Variants in SGCZ observed in about 807,000 individuals in gnomAD.
SGCZ encodes the protein sarcoglycan zeta.
Under a neutral mutation model 41.3 loss-of-function variants are expected in SGCZ, and 40 were observed. The observed-to-expected ratio is 0.97, with a 90% confidence interval of 0.75 to 1.26. The LOEUF is 1.26. SGCZ is among the 50% of genes most tolerant of loss of function. The pLI is 0.00. For missense variants in SGCZ, 552 were observed against 369.8 expected, an observed-to-expected ratio of 1.49 and a Z score of -4.04; for synonymous variants, 206 against 137.5, an observed-to-expected ratio of 1.50 and a Z score of -3.49.
At chr8:14,121,811 C>CTTAA (rs1484643456) in intron 5 of SGCZ, among the ~76,000 whole-genome samples, 1 of 152,142 alleles carries the variant, frequency 6.6e-6, no homozygotes, top group African/African-American at 2.4e-5. Flanking sequence ...TTTTTGAAAT[C>CTTAA]TTAATTTTCT....
At chr8:14,578,183 G>T (rs1376733483) in intron 1 of SGCZ, among the ~76,000 whole-genome samples, 1 of 152,152 alleles carries the variant, frequency 6.6e-6, no homozygotes, top group African/African-American at 2.4e-5. Context: ...AAAGAGAAAT[G>T]GCAAAGCACT....
At chr8:14,619,037 G>A (rs933003312) in intron 1 of SGCZ, among the ~76,000 whole-genome samples, 20 of 152,124 alleles carry the variant, frequency 1.3e-4, no homozygotes, top group Non-Finnish European at 2.5e-4. Context: ...CAATATGTTG[G>A]TATACTCTAT....
chr8:14,840,442 A>T (rs750262475), intron 1 of SGCZ, among the ~76,000 whole-genome samples: 2 of 152,114 alleles, frequency 1.3e-5, no homozygotes, highest in Non-Finnish European at 2.9e-5. Flanking sequence ...TGTTGCGGAA[A>T]ACAATATATC....
intron 1 of SGCZ, among the ~76,000 whole-genome samples, chr8:14,565,818 A>C (rs1475245813): frequency 2.0e-4 from 31 of 152,142 alleles, no homozygotes. Flanking sequence ...CTTCCATAAC[A>C]CTGATAATAA....
intron 1 of SGCZ, among the ~76,000 whole-genome samples, chr8:14,866,881 G>C (rs527771426): frequency 1.6e-4 from 25 of 152,234 alleles, no homozygotes; most frequent in African/African-American, 6.0e-4. Flanking sequence ...GCTTGCAGTG[G>C]GATAAAGCAG....
chr8:14,192,899 CATT>C (rs1805148857), intron 4 of SGCZ, among the ~76,000 whole-genome samples: 2 of 151,796 alleles, frequency 1.3e-5, no homozygotes, highest in South Asian at 4.1e-4. Flanking sequence ...ATACTTTATA[CATT>C]ATATGTTTAT....
chr8:14,663,985 C>T (rs1314928622), intron 1 of SGCZ, among the ~76,000 whole-genome samples: 1 of 152,140 alleles, frequency 6.6e-6, no homozygotes, highest in Non-Finnish European at 1.5e-5. Flanking sequence ...CCCTATTCTA[C>T]TGTGTCAGAC....
intron 1 of SGCZ, among the ~76,000 whole-genome samples, chr8:15,198,995 T>C (rs558545987): frequency 2.6e-5 from 4 of 152,358 alleles, no homozygotes; most frequent in African/African-American, 9.6e-5. Flanking sequence ...ACTGAAATTT[T>C]ATCTTGTAAA....
chr8:14,746,045 G>A (rs1444766848), intron 1 of SGCZ, among the ~76,000 whole-genome samples: 1 of 151,746 alleles, frequency 6.6e-6, no homozygotes, highest in South Asian at 2.1e-4. Context: ...TACAGTAAAA[G>A]ATTATATATT....
intron 1 of SGCZ, among the ~76,000 whole-genome samples, chr8:14,984,012 T>C (rs546359479): frequency 2.2e-4 from 34 of 152,194 alleles, no homozygotes; most frequent in Non-Finnish European, 4.6e-4. Flanking sequence ...AAAGATGTAC[T>C]AAAGTGGAGT....
intron 1 of SGCZ, among the ~76,000 whole-genome samples, chr8:15,231,710 C>T (rs534905195): frequency 1.3e-5 from 2 of 150,276 alleles, no homozygotes; most frequent in African/African-American, 2.5e-5. Context: ...CAACCTCCGC[C>T]TCCCACCTTC....
rs142676041 is a variant in SGCZ at position 15,125,370 on chromosome 8, T to C, written c.39+112215A>G. 8.3e-4 allele frequency among the ~76,000 whole-genome samples: 126 copies of C among 152,280 alleles called. 1 individual carries two copies. The highest frequency in any genetic ancestry group is 3.0e-3 in the African/African-American group (123 of 41,564). On this transcript the variant is annotated intron_variant, in intron 1 of 7. Coordinates refer to ENST00000382080, the MANE Select transcript of SGCZ (RefSeq NM_139167.4). Reference sequence around the variant, plus strand: ...TGGACGCTGCAGTTCCAGACAGATATAGCAACTTCAGGCCACTTTTCTACA... The same window carrying C: ...TGGACGCTGCAGTTCCAGACAGATACAGCAACTTCAGGCCACTTTTCTACA...
At chr8:14,341,272 T>G (rs1382403017) in intron 2 of SGCZ, among the ~76,000 whole-genome samples, 1 of 152,248 alleles carries the variant, frequency 6.6e-6, no homozygotes, top group African/African-American at 2.4e-5. Context: ...CTTTCAATTC[T>G]TTTGAGTATA....
At chr8:15,041,145 G>A (rs1009538921) in intron 1 of SGCZ, among the ~76,000 whole-genome samples, 13 of 151,332 alleles carry the variant, frequency 8.6e-5, no homozygotes, top group Non-Finnish European at 1.8e-4. Context: ...ATAAATAATA[G>A]TCATTTATTT....
chr8:15,146,552 T>C (rs1799041903), intron 1 of SGCZ, among the ~76,000 whole-genome samples: 1 of 152,214 alleles, frequency 6.6e-6, no homozygotes, highest in South Asian at 2.1e-4. Flanking sequence ...AGGCCAATTT[T>C]TAAAAATCAA....
At chr8:14,476,992 T>A (rs1018132166) in intron 2 of SGCZ, among the ~76,000 whole-genome samples, 5 of 152,192 alleles carry the variant, frequency 3.3e-5, no homozygotes, top group Non-Finnish European at 5.9e-5. Flanking sequence ...TATATACCTA[T>A]TTTGTTCCCA....
chr8:14,944,759 A>T (rs748205364), intron 1 of SGCZ, among the ~76,000 whole-genome samples: 10 of 152,138 alleles, frequency 6.6e-5, no homozygotes, highest in Non-Finnish European at 1.5e-4. Context: ...GTCCCTTTTC[A>T]ACTTAAGATG....
At chr8:14,639,340 C>T (rs1487650115) in intron 1 of SGCZ, among the ~76,000 whole-genome samples, 1 of 151,620 alleles carries the variant, frequency 6.6e-6, no homozygotes, top group Non-Finnish European at 1.5e-5. Context: ...TTAAAAATGA[C>T]TTTTCCTGAA....
At chr8:14,862,151 T>C (rs555850135) in intron 1 of SGCZ, among the ~76,000 whole-genome samples, 2 of 152,190 alleles carry the variant, frequency 1.3e-5, no homozygotes, top group East Asian at 3.9e-4. Context: ...GTAAAATTAG[T>C]AAAGTTTTAA....
Sources: allele counts gnomAD v4.1 joint callset (sites outside exome capture counted in the v4.1 genomes callset), GRCh38; gene constraint gnomAD v4.1.1; transcripts MANE v1.5; gene names NCBI Gene and HGNC (gene_info 2026-07-23, HGNC 2026-07-21).